ARHGAP26: variants seen among roughly 807,000 people sequenced by gnomAD.
The protein encoded by ARHGAP26 is Rho GTPase activating protein 26, also known as rho GTPase-activating protein 26.
In ARHGAP26, 38 loss-of-function variants were observed where a neutral mutation model predicts 104.8. The observed-to-expected ratio is 0.36, with a 90% CI of 0.28 to 0.48. The LOEUF (loss-of-function observed/expected upper bound fraction) is 0.48, where lower values mean the gene tolerates loss of function less well. Ranked by LOEUF, ARHGAP26 falls within the 20% of genes least tolerant of loss-of-function variation. The pLI, the probability that ARHGAP26 is intolerant of heterozygous loss-of-function variation, is 0.99. For synonymous variants in ARHGAP26, 341 were observed against 340.0 expected (o/e 1.00, Z -0.03); for missense variants, 704 against 947.9 (o/e 0.74, Z 3.38).
In ARHGAP26 at chr5:143,152,040, C is replaced by T. The variant is rs74415635; in HGVS notation, c.1988+4659C>T. Among the ~76,000 whole-genome samples, 1,282 of 152,168 alleles carry T rather than the reference C, an allele frequency of 8.4e-3. 19 individuals are homozygous for T. The highest frequency in any genetic ancestry group is 0.03 in the African/African-American group (1,240 of 41,516). On this transcript the variant is annotated intron_variant, in intron 20 of 22. Transcript: ENST00000645722. Reference sequence around the variant, plus strand: ...TCTGGAACATGCAAAATTATGGAATCAATAAGAAGATCAGTGATTGCCAGG... The same window carrying T: ...TCTGGAACATGCAAAATTATGGAATTAATAAGAAGATCAGTGATTGCCAGG...
intron 1 of ARHGAP26, among the ~76,000 whole-genome samples, chr5:142,797,747 A>C (rs951858448): frequency 3.3e-5 from 5 of 152,222 alleles, no homozygotes; most frequent in African/African-American, 1.2e-4. Context: ...TTTAAAGCTG[A>C]GTTTGAAAAG....
chr5:143,180,356 C>T (rs550085721), intron 20 of ARHGAP26, among the ~76,000 whole-genome samples: 1 of 152,104 alleles, frequency 6.6e-6, no homozygotes, highest in East Asian at 1.9e-4. Context: ...GATCTCTTGA[C>T]CTCGTGATCT....
intron 17 of ARHGAP26, among the ~76,000 whole-genome samples, chr5:143,099,554 A>G (rs910310344): frequency 3.3e-5 from 5 of 152,242 alleles, no homozygotes. Flanking sequence ...TCAGCCTGGC[A>G]TCTGTAAGGA....
At chr5:142,898,013 G>A (rs6872618) in intron 6 of ARHGAP26, among the ~76,000 whole-genome samples, 262 of 152,234 alleles carry the variant, frequency 1.7e-3, no homozygotes, top group African/African-American at 5.6e-3. Flanking sequence ...CAAATCGACC[G>A]TGTTCATTTG....
chr5:143,224,109 T>A lies in ARHGAP26; in HGVS notation c.*1663T>A, dbSNP rs1368525685. Reference sequence around the variant, plus strand: ...GTGTTGAATTACTGTATCTTTTACTTTTTTTTTTTTGAAAAGATAAACTTG... The same window carrying A: ...GTGTTGAATTACTGTATCTTTTACTATTTTTTTTTTGAAAAGATAAACTTG... On this transcript the variant is annotated 3_prime_UTR_variant, in exon 23 of 23. Coordinates refer to ENST00000645722, the MANE Select transcript of ARHGAP26 (RefSeq NM_001135608.3). The A allele has an allele frequency of 4.6e-5, 4 of 86,182 alleles. No homozygotes were observed. The highest frequency in any genetic ancestry group is 6.6e-5 in the African/African-American group (1 of 15,130). The allele number at this position is 86,182 out of a possible 1,614,324, so 5.3% of individuals were successfully genotyped here.
chr5:143,023,446 TAA>T lies in ARHGAP26; in HGVS notation c.1144+9333_1144+9334del, dbSNP rs1383556172. Among the ~76,000 whole-genome samples the T allele has an allele frequency of 4.6e-5, 7 of 151,934 alleles. No homozygotes were observed. In the South Asian group the frequency reaches 1.5e-3, roughly 32 times the overall value. ...ATGGGATCGCCTGGGCCACTATTTT[TAA>T]AAGACATCTAAAGCCTTCAGCCATT... On this transcript the variant is annotated intron_variant, in intron 12 of 22. Coordinates refer to ENST00000645722, the MANE Select transcript of ARHGAP26 (RefSeq NM_001135608.3).
At chr5:142,789,180 G>A (rs769882876) in intron 1 of ARHGAP26, among the ~76,000 whole-genome samples, 8 of 152,164 alleles carry the variant, frequency 5.3e-5, no homozygotes, top group African/African-American at 1.2e-4. Context: ...GGGGTAGCAC[G>A]TGCAAAGCAG....
At chr5:142,940,593 C>T (rs1319753336) in intron 11 of ARHGAP26, among the ~76,000 whole-genome samples, 2 of 152,116 alleles carry the variant, frequency 1.3e-5, no homozygotes, top group Admixed American at 6.5e-5. Context: ...GGATAATGAC[C>T]TCTAACTCCA....
chr5:143,205,468 G>T (rs1808415504), intron 20 of ARHGAP26, among the ~76,000 whole-genome samples: 2 of 152,228 alleles, frequency 1.3e-5, no homozygotes, highest in Admixed American at 1.3e-4. Flanking sequence ...GAGTCTTATT[G>T]TGATTCTCTA....
intron 20 of ARHGAP26, among the ~76,000 whole-genome samples, chr5:143,154,783 C>T (rs1230942444): frequency 6.6e-6 from 1 of 152,142 alleles, no homozygotes; most frequent in East Asian, 1.9e-4. Flanking sequence ...GTGTGCATAG[C>T]TGTTATTTAT....
intron 6 of ARHGAP26, among the ~76,000 whole-genome samples, chr5:142,897,049 C>T (rs1005686075): frequency 1.5e-4 from 23 of 152,042 alleles, no homozygotes; most frequent in African/African-American, 5.6e-4. Context: ...TTATTGAATA[C>T]CGTAGAAAAT....
At chr5:143,122,085 C>G (rs565360187) in intron 18 of ARHGAP26, among the ~76,000 whole-genome samples, 1 of 152,158 alleles carries the variant, frequency 6.6e-6, no homozygotes, top group African/African-American at 2.4e-5. Flanking sequence ...TTTCTTGTAC[C>G]CTTGGCCTGA....
chr5:142,824,958 C>T (rs1561905579), intron 1 of ARHGAP26, among the ~76,000 whole-genome samples: 1 of 152,196 alleles, frequency 6.6e-6, no homozygotes, highest in Admixed American at 6.5e-5. Context: ...GCTCTTAACT[C>T]TTATTGGGGC....
In ARHGAP26 at chr5:142,916,425, G is replaced by C. The variant is rs997017041; in HGVS notation, c.1028+3132G>C. Among the ~76,000 whole-genome samples the C allele has an allele frequency of 2.0e-5, 3 of 152,158 alleles. No homozygotes were observed. In the South Asian group the frequency reaches 6.2e-4, roughly 31 times the overall value. On this transcript the variant is annotated intron_variant, in intron 10 of 22. Coordinates refer to ENST00000645722, the MANE Select transcript of ARHGAP26 (RefSeq NM_001135608.3). ...ACGTGCACTCAGTTACAGATTCCTG[G>C]TGCTTGTCCCACACCCACACAGTTC... is the stretch of plus-strand genomic sequence containing the variant.
At chr5:142,801,340 G>T (rs757537038) in intron 1 of ARHGAP26, among the ~76,000 whole-genome samples, 4 of 152,026 alleles carry the variant, frequency 2.6e-5, no homozygotes, top group African/African-American at 9.7e-5. Context: ...AATTGATGAC[G>T]CCCTATGTGC....
In ARHGAP26 at chr5:143,002,719, A is replaced by G. The variant is rs951783404; in HGVS notation, c.1108-11361A>G. Among the ~76,000 whole-genome samples the G allele has an allele frequency of 4.6e-5, 7 of 152,126 alleles. No individual in the cohort carries two copies. In the East Asian group the frequency reaches 1.3e-3, roughly 29 times the overall value. ...CCTGAAACACTTTTCTGACTTGTAC[A>G]TTACTTAGATTTCTTTCTTCCTCTT... On this transcript the variant is annotated intron_variant, in intron 11 of 22. Coordinates refer to ENST00000645722, the MANE Select transcript of ARHGAP26 (RefSeq NM_001135608.3).
chr5:143,186,192 C>T (rs1805110679), intron 20 of ARHGAP26, among the ~76,000 whole-genome samples: 1 of 152,190 alleles, frequency 6.6e-6, no homozygotes, highest in Admixed American at 6.5e-5. Flanking sequence ...ATTATAATAT[C>T]ACCTTGTAGA....
chr5:143,179,462 G>A (rs567303150), intron 20 of ARHGAP26, among the ~76,000 whole-genome samples: 1 of 152,222 alleles, frequency 6.6e-6, no homozygotes, highest in African/African-American at 2.4e-5. Flanking sequence ...CTGCTCTGCT[G>A]GCTGTGATCA....
At chr5:142,893,243 T>A (rs1011782288) in intron 5 of ARHGAP26, among the ~76,000 whole-genome samples, 1 of 152,160 alleles carries the variant, frequency 6.6e-6, no homozygotes, top group African/African-American at 2.4e-5. Flanking sequence ...CCCAAAGTGC[T>A]GGGATTATAG....
Sources: allele counts gnomAD v4.1 joint callset (sites outside exome capture counted in the v4.1 genomes callset), GRCh38; gene constraint gnomAD v4.1.1; transcripts MANE v1.5; gene names NCBI Gene and HGNC (gene_info 2026-07-23, HGNC 2026-07-21).